Variants in MAN2A1 observed in about 807,000 individuals in gnomAD.
The protein encoded by MAN2A1 is mannosidase alpha class 2A member 1.
MAN2A1 carries 76 observed loss-of-function variants against 142.6 expected under a neutral mutation model. The ratio of observed to expected loss-of-function variants is 0.53; its 90% CI spans 0.44 to 0.65. The LOEUF (loss-of-function observed/expected upper bound fraction) is 0.65. MAN2A1 is among the 30% of genes least tolerant of loss of function. The pLI, the probability that MAN2A1 is intolerant of heterozygous loss-of-function variation, is 0.00. For missense variants in MAN2A1, 1,311 were observed against 1,365.1 expected, an observed-to-expected ratio of 0.96 and a Z score of 0.62; for synonymous variants, 559 against 473.2, an observed-to-expected ratio of 1.18 and a Z score of -2.35.
In MAN2A1 at chr5:109,724,678, TAATAAA is replaced by T. The variant is rs1256501102; in HGVS notation, c.536-4655_536-4650del. ...ATTAATATACTTAAAAAATCGTTAT[TAATAAA>T]AATAAAAAGAAAAGAAAAAATCATT... On this transcript the variant is annotated intron_variant, in intron 3 of 21. Transcript: ENST00000261483. Among the ~76,000 whole-genome samples, 2 of 152,106 alleles carry T rather than the reference TAATAAA, an allele frequency of 1.3e-5. 1 individual carries two copies. The highest frequency in any genetic ancestry group is 2.9e-5 in the Non-Finnish European group (2 of 68,018).
intron 4 of MAN2A1, among the ~76,000 whole-genome samples, chr5:109,747,890 C>G (rs943245865): frequency 1.5e-4 from 23 of 152,166 alleles, no homozygotes; most frequent in African/African-American, 5.1e-4. Flanking sequence ...CAGCAATGCA[C>G]AGATTTCTAG....
chr5:109,749,479 A>G (rs1229202088), intron 4 of MAN2A1, among the ~76,000 whole-genome samples: 1 of 152,168 alleles, frequency 6.6e-6, no homozygotes, highest in Non-Finnish European at 1.5e-5. Context: ...GTTACAAGTC[A>G]ACTCAGTGTA....
intron 1 of MAN2A1, among the ~76,000 whole-genome samples, chr5:109,703,096 G>A (rs1212751721): frequency 1.3e-5 from 2 of 152,130 alleles, no homozygotes; most frequent in Non-Finnish European, 2.9e-5. Context: ...TGCCTTCAGA[G>A]GCTTTCCAAA....
chr5:109,720,779 G>T (rs1751579752), intron 3 of MAN2A1, among the ~76,000 whole-genome samples: 1 of 152,226 alleles, frequency 6.6e-6, no homozygotes, highest in Non-Finnish European at 1.5e-5. Flanking sequence ...CCCGTGGGCT[G>T]CAGGTTGGAC....
At position 109,840,858 on chromosome 5, in the gene MAN2A1, G is replaced by A. The variant is rs536937055; in HGVS notation, c.2567-1470G>A. The stretch of plus-strand genomic sequence containing the variant: ...CAGTAGGATCACGGGTGCCAGCCCC[G>A]ACAATCATGGGGCCTGCATTTACAC... On this transcript the variant is annotated intron_variant, in intron 16 of 21. Coordinates refer to ENST00000261483, the MANE Select transcript of MAN2A1 (RefSeq NM_002372.4). Among the ~76,000 whole-genome samples, 6 of 151,804 alleles carry A rather than the reference G, an allele frequency of 4.0e-5. No homozygotes were observed. The East Asian group carries it at 5.8e-4, about 15-fold the overall frequency.
chr5:109,702,315 TTGTGTGTG>T (rs34048618), intron 1 of MAN2A1, among the ~76,000 whole-genome samples: 308 of 144,130 alleles, frequency 2.1e-3, no homozygotes, highest in African/African-American at 6.5e-3. Context: ...AGAACATAAA[TTGTGTGTG>T]TGTGTGTGTG....
intron 12 of MAN2A1, among the ~76,000 whole-genome samples, chr5:109,807,383 T>C (rs1754193867): frequency 6.6e-6 from 1 of 152,212 alleles, no homozygotes; most frequent in South Asian, 2.1e-4. Context: ...AACTTAATTC[T>C]ACTAAAAAAT....
chr5:109,745,887 G>C (rs1252169235), intron 4 of MAN2A1, among the ~76,000 whole-genome samples: 1 of 152,180 alleles, frequency 6.6e-6, no homozygotes, highest in Non-Finnish European at 1.5e-5. Flanking sequence ...AAAGCACAGG[G>C]ATTATAGGTG....
intron 2 of MAN2A1, among the ~76,000 whole-genome samples, chr5:109,715,574 G>A (rs1403641233): frequency 6.6e-6 from 1 of 151,978 alleles, no homozygotes; most frequent in Non-Finnish European, 1.5e-5. Flanking sequence ...GATTATGCCT[G>A]GTTGACCCTG....
intron 8 of MAN2A1, among the ~76,000 whole-genome samples, chr5:109,775,485 T>G (rs1753264091): frequency 6.6e-6 from 1 of 152,064 alleles, no homozygotes; most frequent in East Asian, 1.9e-4. Flanking sequence ...TACTCTTTTT[T>G]TTTTTCTTAT....
chr5:109,709,881 A>G (rs1029423698), intron 1 of MAN2A1, among the ~76,000 whole-genome samples: 3 of 152,134 alleles, frequency 2.0e-5, no homozygotes, highest in East Asian at 3.9e-4. Context: ...GTCTTTTTCA[A>G]TGTTACTATA....
intron 1 of MAN2A1, among the ~76,000 whole-genome samples, chr5:109,706,203 A>G (rs1323895337): frequency 6.6e-6 from 1 of 152,226 alleles, no homozygotes; most frequent in Non-Finnish European, 1.5e-5. Flanking sequence ...CAGAGAAGTT[A>G]TGTAACTTTG....
At chr5:109,796,572 G>A (rs187999500) in intron 12 of MAN2A1, among the ~76,000 whole-genome samples, 21 of 116,572 alleles carry the variant, frequency 1.8e-4, no homozygotes, top group African/African-American at 8.4e-4. Context: ...CAGAAATAAA[G>A]TAGGCAGGAA....
At chr5:109,717,898 A>G (rs983142137) in intron 3 of MAN2A1, among the ~76,000 whole-genome samples, 1 of 152,246 alleles carries the variant, frequency 6.6e-6, no homozygotes, top group Non-Finnish European at 1.5e-5. Flanking sequence ...ATTAGTTAGT[A>G]TATTTGCATT....
rs767179253 is a variant in MAN2A1, at chr5:109,690,210, A to C, written c.-208A>C. On this transcript the variant is annotated 5_prime_UTR_variant, in exon 1 of 22. Coordinates refer to ENST00000261483, the MANE Select transcript of MAN2A1 (RefSeq NM_002372.4). ...TCGAGAGGGGCGCCCGACCCCGGGG[A>C]GGGCGGCAGGCCAGGGCGAAGGCCA... is the stretch of plus-strand genomic sequence containing the variant. The C allele has an allele frequency of 1.3e-3, 700 of 532,512 alleles. 1 individual carries two copies. The highest frequency in any genetic ancestry group is 4.1e-3 in the Middle Eastern group (8 of 1,930). The allele number at this position is 532,512 out of a possible 1,614,324, so 33.0% of individuals were successfully genotyped here.
intron 1 of MAN2A1, among the ~76,000 whole-genome samples, chr5:109,710,857 A>G (rs994511702): frequency 3.9e-5 from 6 of 151,952 alleles, no homozygotes; most frequent in Non-Finnish European, 7.4e-5. Context: ...TGTCCAGCTA[A>G]TTTTGTATTT....
chr5:109,704,939 A>G (rs1046491454), intron 1 of MAN2A1, among the ~76,000 whole-genome samples: 20 of 152,122 alleles, frequency 1.3e-4, no homozygotes, highest in African/African-American at 4.3e-4. Flanking sequence ...TCAAGTTTAT[A>G]TATTTAGCCC....
rs748736879 is a variant in MAN2A1, at chr5:109,820,202, A to AT, written c.2329-10dup. The AT allele has an allele frequency of 8.2e-6, 13 of 1,584,956 alleles. No individual in the cohort carries two copies. Among genetic ancestry groups the AT allele is most frequent in the East Asian group, 6.7e-5 (3 of 44,658 alleles). On this transcript the variant is annotated splice_polypyrimidine_tract_variant and intron_variant, in intron 14 of 21. Transcript: ENST00000261483. ...TCTTAGTGGTGAGTTGCTTATTATT[A>AT]TTTTTTTTAATCTTTAGCAAATGAT... is the stretch of plus-strand genomic sequence containing the variant.
intron 4 of MAN2A1, among the ~76,000 whole-genome samples, 167 bp from the exon 5 acceptor site, chr5:109,755,162 G>C (rs1752655472): frequency 1.3e-5 from 2 of 152,204 alleles, no homozygotes; most frequent in Admixed American, 1.3e-4. Flanking sequence ...GTGCTATCAT[G>C]AGGTCTTGAA....
Sources: allele counts gnomAD v4.1 joint callset (sites outside exome capture counted in the v4.1 genomes callset), GRCh38; gene constraint gnomAD v4.1.1; transcripts MANE v1.5; gene names NCBI Gene and HGNC (gene_info 2026-07-23, HGNC 2026-07-21).